The following NRF1 variants were observed in gnomAD, a reference collection of about 807,000 sequenced individuals.
NRF1 encodes the protein nuclear respiratory factor 1, also known as alpha palindromic-binding protein.
A neutral mutation model predicts 58.5 loss-of-function variants in NRF1; 5 were observed. That is an observed-to-expected ratio of 0.09 (90% CI 0.04 to 0.18). The LOEUF (loss-of-function observed/expected upper bound fraction) is 0.18, where lower values mean the gene tolerates loss of function less well. Among genes scored for constraint, NRF1 ranks in the 10% least tolerant of loss-of-function variants. NRF1 has a pLI of 1.00. For synonymous variants in NRF1, 224 were observed against 246.7 expected (o/e 0.91, Z 0.86); for missense variants, 288 against 657.7 (o/e 0.44, Z 6.15).
chr7:129,699,866 G>A (rs753168964), intron 5 of NRF1, among the ~76,000 whole-genome samples: 41 of 151,906 alleles, frequency 2.7e-4, no homozygotes, highest in East Asian at 7.8e-4. Flanking sequence ...TAGGCCGGGC[G>A]CAGTGGCTCA....
chr7:129,717,119 A>C, intron 8 of NRF1, 100 bp from the exon 9 acceptor site: 15 of 1,122,222 alleles, frequency 1.3e-5, no homozygotes, highest in Non-Finnish European at 1.9e-5. Context: ...TTTAAAGAGT[A>C]TGTGTATTTA....
intron 1 of NRF1, among the ~76,000 whole-genome samples, chr7:129,639,856 T>C (rs546802469): frequency 3.9e-4 from 60 of 151,900 alleles, no homozygotes; most frequent in Middle Eastern, 3.4e-3. Flanking sequence ...CCGCCCCCCC[T>C]TTTTTAAAAA....
At chr7:129,744,875 C>A (rs1413974142) in intron 10 of NRF1, among the ~76,000 whole-genome samples, 2 of 152,036 alleles carry the variant, frequency 1.3e-5, no homozygotes, top group African/African-American at 2.4e-5. Flanking sequence ...TCTTTGGAAG[C>A]TTCCTTGCCT....
intron 2 of NRF1, among the ~76,000 whole-genome samples, chr7:129,669,408 T>C (rs866774888): frequency 6.6e-6 from 1 of 152,232 alleles, no homozygotes; most frequent in Non-Finnish European, 1.5e-5. Flanking sequence ...GGGGATCATA[T>C]TGATATTTGC....
In NRF1 at chr7:129,679,171, A is replaced by G. The variant is rs114536765; in HGVS notation, c.465+1413A>G. ...AGGCCAGTTAATTCTGTTATAAACC[A>G]TACATATAAATGGGTTAAAGTGCCT... On this transcript the variant is annotated intron_variant, in intron 4 of 10. Transcript: ENST00000393232. Among the ~76,000 whole-genome samples, 688 of 152,356 alleles carry G rather than the reference A, an allele frequency of 4.5e-3. 3 individuals carry two copies. Among genetic ancestry groups the G allele is most frequent in the African/African-American group, 0.016 (650 of 41,588 alleles).
intron 3 of NRF1, among the ~76,000 whole-genome samples, chr7:129,673,859 G>T (rs1459665396): frequency 6.6e-6 from 1 of 151,802 alleles, no homozygotes; most frequent in African/African-American, 2.4e-5. Context: ...GCTGTTTTTG[G>T]CTGGGCATGG....
At chr7:129,647,157 TCTCC>T (rs986175451) in intron 1 of NRF1, among the ~76,000 whole-genome samples, 4 of 150,572 alleles carry the variant, frequency 2.7e-5, no homozygotes, top group African/African-American at 9.8e-5. Context: ...CCTGCCTCAG[TCTCC>T]AGAGTAGCTG....
chr7:129,619,458 ACG>A (rs1800734904), intron 1 of NRF1, among the ~76,000 whole-genome samples: 6 of 24,356 alleles, frequency 2.5e-4, no homozygotes, highest in Non-Finnish European at 4.9e-4. Flanking sequence ...ATATATATAC[ACG>A]TGTGTGTGTG....
intron 9 of NRF1, among the ~76,000 whole-genome samples, chr7:129,726,841 A>G (rs1380997851): frequency 1.3e-5 from 2 of 152,184 alleles, no homozygotes; most frequent in Non-Finnish European, 2.9e-5. Flanking sequence ...GTGAGGAGAA[A>G]AGAGAAAAGG....
At chr7:129,617,674 C>T (rs1800685781) in intron 1 of NRF1, among the ~76,000 whole-genome samples, 1 of 151,958 alleles carries the variant, frequency 6.6e-6, no homozygotes, top group Admixed American at 6.6e-5. Flanking sequence ...TCTAGAGAAC[C>T]AAAATAGAGC....
intron 1 of NRF1, among the ~76,000 whole-genome samples, chr7:129,645,621 A>G (rs1270286426): frequency 6.6e-6 from 1 of 152,166 alleles, no homozygotes; most frequent in South Asian, 2.1e-4. Context: ...AACCTGATCT[A>G]TTCATCGAGT....
At chr7:129,692,430 G>A (rs191895566) in intron 5 of NRF1, among the ~76,000 whole-genome samples, 4 of 152,192 alleles carry the variant, frequency 2.6e-5, no homozygotes, top group East Asian at 3.9e-4. Context: ...GTGTATGCAT[G>A]TAGTCTCAAA....
At chr7:129,719,419 A>G (rs1275305302) in intron 9 of NRF1, among the ~76,000 whole-genome samples, 1 of 152,078 alleles carries the variant, frequency 6.6e-6, no homozygotes, top group Non-Finnish European at 1.5e-5. Context: ...GGCGTAAGCC[A>G]CCACGCCCAG....
intron 3 of NRF1, among the ~76,000 whole-genome samples, chr7:129,676,974 A>G (rs116829471): frequency 1.4e-3 from 205 of 151,642 alleles, no homozygotes; most frequent in African/African-American, 4.8e-3. Flanking sequence ...TGGAGATGAT[A>G]TAATAAATTC....
At chr7:129,708,975 C>T in intron 5 of NRF1, 100 bp from the exon 6 acceptor site, 1 of 1,049,034 alleles carries the variant, frequency 9.5e-7, no homozygotes, top group Non-Finnish European at 1.3e-6. Context: ...CTGGGACCTT[C>T]CTGGAAACCT....
At chr7:129,679,930 C>T (rs372735315) in intron 4 of NRF1, among the ~76,000 whole-genome samples, 9 of 147,926 alleles carry the variant, frequency 6.1e-5, no homozygotes, top group Admixed American at 4.1e-4. Context: ...TGGTGGCGGG[C>T]GCCTGTAATC....
intron 1 of NRF1, among the ~76,000 whole-genome samples, chr7:129,630,502 CT>C (rs1801024477): frequency 6.6e-6 from 1 of 152,028 alleles, no homozygotes. Flanking sequence ...CTAGTAATGT[CT>C]TTTCAAAAGG....
At chr7:129,751,743 C>G (rs556393495) in intron 10 of NRF1, among the ~76,000 whole-genome samples, 1 of 152,328 alleles carries the variant, frequency 6.6e-6, no homozygotes, top group East Asian at 1.9e-4. Context: ...TGAGGCTGAC[C>G]TTTGCTTCTG....
chr7:129,674,702 T>TG (rs1802136356), intron 3 of NRF1, among the ~76,000 whole-genome samples: 1 of 152,202 alleles, frequency 6.6e-6, no homozygotes, highest in African/African-American at 2.4e-5. Flanking sequence ...CCCAAAGTGC[T>TG]GGGATTACAG....
Sources: allele counts gnomAD v4.1 joint callset (sites outside exome capture counted in the v4.1 genomes callset), GRCh38; gene constraint gnomAD v4.1.1; transcripts MANE v1.5; gene names NCBI Gene and HGNC (gene_info 2026-07-23, HGNC 2026-07-21).